The following PPFIA1 variants were observed in gnomAD, a reference collection of about 807,000 sequenced individuals.
PPFIA1 encodes the protein PPFI scaffold protein A1.
In PPFIA1, 25 loss-of-function variants were observed where a neutral mutation model predicts 149.9. The ratio of observed to expected loss-of-function variants is 0.17; its 90% CI spans 0.12 to 0.23. The LOEUF (loss-of-function observed/expected upper bound fraction) is 0.23. Among genes scored for constraint, PPFIA1 ranks in the 10% least tolerant of loss-of-function variants. The pLI, the probability that PPFIA1 is intolerant of heterozygous loss-of-function variation, is 1.00. For missense variants in PPFIA1, 1,362 were observed against 1,506.5 expected (o/e 0.90, Z 1.59); for synonymous variants, 549 against 552.8 (o/e 0.99, Z 0.10).
intron 9 of PPFIA1, chr11:70,332,941 C>T (rs1053554200): frequency 9.2e-6 from 4 of 435,862 alleles, no homozygotes; most frequent in Non-Finnish European, 1.4e-5. Context: ...AAGAACCTAT[C>T]CTCCCACTCC....
At position 70,324,861 on chromosome 11, in the gene PPFIA1, T is replaced by C. The variant is rs765491741; in HGVS notation, c.381T>C (p.His127=). 6.3e-7 allele frequency: 1 copy of C among 1,586,070 alleles called. No individual in the cohort carries two copies. The highest frequency in any genetic ancestry group is 1.2e-5 in the South Asian group (1 of 86,676). ...TTTTATTTCAGCTGCTGTTAGAGCATTTGGAATGCCTTGTCTCCAGGCATG... is the reference window on the plus strand; with the variant it reads ...TTTTATTTCAGCTGCTGTTAGAGCACTTGGAATGCCTTGTCTCCAGGCATG... ...ERNNTRLLLE[H]LECLVSRHER... is the part of the protein sequence containing the mutation. The change falls in exon 4 of 28, where the codon CAT becomes CAC. Residue 127 remains histidine (H), a synonymous_variant. Transcript: ENST00000253925.
intron 19 of PPFIA1, among the ~76,000 whole-genome samples, chr11:70,361,461 T>C (rs1345083490): frequency 2.0e-5 from 3 of 152,324 alleles, no homozygotes; most frequent in Admixed American, 2.0e-4. Flanking sequence ...TGAATATTTT[T>C]GATCTGCAGT....
chr11:70,371,372 AGTG>A (rs2057233835), intron 21 of PPFIA1: 6 of 674 alleles, frequency 8.9e-3, no homozygotes, highest in East Asian at 0.038. Flanking sequence ...TGTTGGGTAG[AGTG>A]TTCTATATTC....
intron 16 of PPFIA1, among the ~76,000 whole-genome samples, chr11:70,351,336 A>G (rs554413592): frequency 1.3e-5 from 2 of 152,344 alleles, no homozygotes; most frequent in East Asian, 1.9e-4. Context: ...GTGCAAAGCT[A>G]TAGAATGTAG....
At chr11:70,380,404 A>G (rs2057662340) in intron 26 of PPFIA1, among the ~76,000 whole-genome samples, 2 of 149,610 alleles carry the variant, frequency 1.3e-5, no homozygotes, top group Admixed American at 1.3e-4. Context: ...CATCTCTACT[A>G]AAAATACAAA....
At chr11:70,301,495 A>G (rs1013082510) in intron 2 of PPFIA1, among the ~76,000 whole-genome samples, 1 of 152,240 alleles carries the variant, frequency 6.6e-6, no homozygotes, top group African/African-American at 2.4e-5. Context: ...GGTAATTATG[A>G]GTGCCTTACT....
chr11:70,335,123 T>C (rs1363116713), intron 10 of PPFIA1, among the ~76,000 whole-genome samples: 4 of 152,220 alleles, frequency 2.6e-5, no homozygotes, highest in Non-Finnish European at 5.9e-5. Context: ...AGCACAATTT[T>C]TTTTTCCAAA....
intron 2 of PPFIA1, among the ~76,000 whole-genome samples, chr11:70,314,686 G>GT (rs2053491919): frequency 6.6e-6 from 1 of 151,840 alleles, no homozygotes; most frequent in African/African-American, 2.4e-5. Context: ...TCTGTACTAT[G>GT]TTTTTTTAAC....
chr11:70,334,650 A>C lies in PPFIA1; in HGVS notation c.1297-913A>C, dbSNP rs951017477. 3 of 152,266 alleles carry C rather than the reference A, an allele frequency of 2.0e-5. 1 individual carries two copies. Among genetic ancestry groups the C allele is most frequent in the Non-Finnish European group, 4.4e-5 (3 of 68,040 alleles). The allele number at this position is 152,266 out of a possible 1,614,324, so 9.4% of individuals were successfully genotyped here. ...CCTTTCAGGTAATGATAGTTGCTAC[A>C]TGTTAGACCTTATGAGAAAAGGAGA... On this transcript the variant is annotated intron_variant, in intron 10 of 27. Coordinates refer to ENST00000253925, the MANE Select transcript of PPFIA1 (RefSeq NM_003626.5).
At chr11:70,320,404 G>C (rs1476081665) in intron 2 of PPFIA1, among the ~76,000 whole-genome samples, 1 of 151,176 alleles carries the variant, frequency 6.6e-6, no homozygotes, top group African/African-American at 2.4e-5. Flanking sequence ...AGGGACTAAA[G>C]TGTTCAGTGG....
chr11:70,349,850 A>T, intron 16 of PPFIA1: 2 of 451,530 alleles, frequency 4.4e-6, no homozygotes, highest in South Asian at 3.1e-5. Context: ...GTAATTCTGT[A>T]TGCTGGCTGA....
intron 2 of PPFIA1, among the ~76,000 whole-genome samples, chr11:70,287,308 CT>C (rs1042344797): frequency 6.6e-5 from 10 of 151,926 alleles, no homozygotes; most frequent in Admixed American, 3.3e-4. Context: ...TTGCAGACTC[CT>C]TTTTTTTGTA....
At chr11:70,331,438 C>T (rs1283922640) in intron 8 of PPFIA1, among the ~76,000 whole-genome samples, 1 of 151,970 alleles carries the variant, frequency 6.6e-6, no homozygotes, top group African/African-American at 2.4e-5. Context: ...GTGTTTTGCA[C>T]ATTGAAACCA....
chr11:70,327,014 C>G, intron 7 of PPFIA1, 196 bp downstream of exon 7: 1 of 563,902 alleles, frequency 1.8e-6, no homozygotes, highest in Non-Finnish European at 3.1e-6. Context: ...GTTGTGAAAT[C>G]TCCTGTCCCT....
At chr11:70,361,638 T>C (rs1385580234) in intron 19 of PPFIA1, among the ~76,000 whole-genome samples, 2 of 151,318 alleles carry the variant, frequency 1.3e-5, no homozygotes, top group Non-Finnish European at 2.9e-5. Context: ...TTTTTAGAGA[T>C]AGGGTCTCAC....
In PPFIA1 at chr11:70,325,486, C is replaced by T. The variant is rs753342707; in HGVS notation, c.532-14C>T. 6.4e-7 allele frequency: 1 copy of T among 1,551,496 alleles called. No homozygotes were observed. Among genetic ancestry groups the T allele is most frequent in the Non-Finnish European group, 8.9e-7 (1 of 1,123,998 alleles). Reference sequence around the variant, plus strand: ...TACACACACACACACAAACTCAACCCCTTTTATTTTCAGGTGAGAGAGCGA... The same window carrying T: ...TACACACACACACACAAACTCAACCTCTTTTATTTTCAGGTGAGAGAGCGA... On this transcript the variant is annotated splice_polypyrimidine_tract_variant and intron_variant, in intron 4 of 27. Coordinates refer to ENST00000253925, the MANE Select transcript of PPFIA1 (RefSeq NM_003626.5).
intron 3 of PPFIA1, 32 bp from the exon 4 acceptor site, chr11:70,324,815 T>C: frequency 6.7e-7 from 1 of 1,498,972 alleles, no homozygotes; most frequent in South Asian, 1.2e-5. Context: ...AAATGCTGTT[T>C]AACAAGTCTT....
intron 7 of PPFIA1, among the ~76,000 whole-genome samples, chr11:70,329,595 T>A (rs1314506238): frequency 6.6e-6 from 1 of 152,122 alleles, no homozygotes; most frequent in Non-Finnish European, 1.5e-5. Flanking sequence ...TACAGGGGCG[T>A]GCCACCATGC....
intron 16 of PPFIA1, among the ~76,000 whole-genome samples, chr11:70,350,833 T>A (rs1293034754): frequency 6.6e-6 from 1 of 152,142 alleles, no homozygotes; most frequent in Non-Finnish European, 1.5e-5. Context: ...TTTAAATTTT[T>A]TGGTGAAAAA....
Sources: gnomAD v4.1 joint callset for allele counts (sites outside exome capture counted in the v4.1 genomes callset) on GRCh38, gnomAD v4.1.1 for gene constraint, MANE v1.5 for transcripts, NCBI Gene and HGNC (gene_info 2026-07-23, HGNC 2026-07-21) for gene names.